The following NYX variants were observed in gnomAD, a reference collection of about 807,000 sequenced individuals.
The protein encoded by NYX is leucine-rich repeat protein.
For missense variants in NYX, 481 were observed against 485.4 expected (o/e 0.99, Z 0.09); for synonymous variants, 258 against 245.7 (o/e 1.05, Z -0.47).
At chrX:41,456,777 T>C (rs1389124180) in intron 2 of NYX, among the ~76,000 whole-genome samples, 7 of 111,757 alleles carry the variant, frequency 6.3e-5, no homozygotes, top group Admixed American at 9.6e-5. Context: ...CCGGCTTCCA[T>C]CTTGAGGAGG....
At position 41,474,716 on chromosome X, in the gene NYX, G is replaced by A. The variant is rs750169676; in HGVS notation, c.1248G>A (p.Leu416=). ...SRFSSLLSKL[L]APRVPVEEAA... ...TCAGCAGCCTCCTCTCCAAGCTGCT[G>A]GCCCCGAGGGTCCCGGTGGAGGAGG... Residue 416 remains leucine, a synonymous_variant, in exon 3 of 3, where the codon CTG becomes CTA. Transcript: ENST00000378220. 3.3e-6 allele frequency: 4 copies of A among 1,196,569 alleles called. No individual in the cohort carries two copies. The highest frequency in any genetic ancestry group is 4.5e-6 in the Non-Finnish European group (4 of 889,457).
chrX:41,448,306 G>A (rs891207143), intron 2 of NYX, among the ~76,000 whole-genome samples: 2 of 110,848 alleles, frequency 1.8e-5, no homozygotes, highest in African/African-American at 6.5e-5. Flanking sequence ...ACAGTGGTGC[G>A]ACCTCGGCAC....
At chrX:41,448,335 C>T (rs866984579) in intron 2 of NYX, among the ~76,000 whole-genome samples, 2 of 110,262 alleles carry the variant, frequency 1.8e-5, no homozygotes, top group Non-Finnish European at 3.8e-5. Context: ...CTCCGCCTCC[C>T]GGGTTCACGC....
At chrX:41,465,200 T>TC (rs2064333870) in intron 2 of NYX, among the ~76,000 whole-genome samples, 1 of 110,681 alleles carries the variant, frequency 9.0e-6, no homozygotes, top group African/African-American at 3.3e-5. Flanking sequence ...GTTTTTTTTT[T>TC]CCTTCTTGAC....
chrX:41,465,798 C>T (rs1363216733), intron 2 of NYX, among the ~76,000 whole-genome samples: 1 of 107,512 alleles, frequency 9.3e-6, no homozygotes, highest in Non-Finnish European at 1.9e-5. Flanking sequence ...GCTGGGATTA[C>T]AGGCGTGAAC....
At chrX:41,460,876 ATTTTTTTTTTTTTTTTTT>A (rs59383905) in intron 2 of NYX, among the ~76,000 whole-genome samples, 1 of 24,778 alleles carries the variant, frequency 4.0e-5, no homozygotes. Flanking sequence ...CACAGTATGT[ATTTTTTTTTTTTTTTTTT>A]TTTTTTTTTT....
At chrX:41,464,148 CTT>C (rs141248938) in intron 2 of NYX, among the ~76,000 whole-genome samples, 7 of 98,584 alleles carry the variant, frequency 7.1e-5, no homozygotes, top group Non-Finnish European at 4.1e-5. Flanking sequence ...TAATCCCATT[CTT>C]TTTTTTTTTT....
At chrX:41,470,642 C>G (rs776363167) in intron 2 of NYX, among the ~76,000 whole-genome samples, 2 of 94,333 alleles carry the variant, frequency 2.1e-5, no homozygotes, top group African/African-American at 4.1e-5. Flanking sequence ...TGCAGTGGGC[C>G]GAGATTAGCG....
intron 2 of NYX, among the ~76,000 whole-genome samples, chrX:41,453,894 C>T (rs1172815052): frequency 8.8e-6 from 1 of 113,053 alleles, no homozygotes; most frequent in African/African-American, 3.2e-5. Flanking sequence ...GCATGTGCAA[C>T]TGTCTCTTTG....
chrX:41,472,633 A>G, intron 2 of NYX: 1 of 469,114 alleles, frequency 2.1e-6, no homozygotes, highest in African/African-American at 2.4e-5. Flanking sequence ...CAGGCACAGG[A>G]AAGGTCACTG....
chrX:41,460,876 A>ATTATTTTT (rs1335308569), intron 2 of NYX, among the ~76,000 whole-genome samples: 1 of 24,778 alleles, frequency 4.0e-5, no homozygotes, highest in African/African-American at 1.5e-4. Flanking sequence ...CACAGTATGT[A>ATTATTTTT]TTTTTTTTTT....
intron 2 of NYX, 94 bp from the exon 3 acceptor site, chrX:41,473,397 G>C: frequency 3.5e-6 from 3 of 868,635 alleles, no homozygotes; most frequent in South Asian, 1.1e-4. Flanking sequence ...TGCCCGGACA[G>C]GCAGGATTTT....
intron 2 of NYX, among the ~76,000 whole-genome samples, chrX:41,450,033 G>A (rs761986979): frequency 3.2e-4 from 35 of 111,067 alleles, no homozygotes; most frequent in African/African-American, 3.6e-4. Context: ...GAAGTGGCTC[G>A]CAGCAGGGAA....
intron 2 of NYX, among the ~76,000 whole-genome samples, chrX:41,471,834 T>TA (rs1491492828): frequency 5.5e-4 from 10 of 18,093 alleles, no homozygotes; most frequent in African/African-American, 1.7e-3. Context: ...TATATATGTA[T>TA]TTTTTTTTTT....
Position 41,473,966 on chromosome X carries a change from C to G in NYX, c.498C>G (p.Phe166Leu). The G allele has an allele frequency of 9.2e-7, 1 of 1,086,002 alleles. No homozygotes were observed. The highest frequency in any genetic ancestry group is 1.2e-6 in the Non-Finnish European group (1 of 839,722). 89.5% of individuals were successfully genotyped at this position (1,086,002 alleles called of 1,213,427 possible). Reference protein sequence around the residue: ...LRELAAFDNLFRRVPGALRGL... With the variant: ...LRELAAFDNLLRRVPGALRGL... The stretch of plus-strand genomic sequence containing the variant: ...AACTCGCCGCCTTCGACAACCTGTT[C>G]CGCCGCGTGCCGGGCGCGCTGCGCG... The change falls in exon 3 of 3, where the codon TTC becomes TTG. Residue 166 changes from phenylalanine (F) to leucine (L), a missense_variant. Phe to Leu is a conservative substitution (Grantham distance 22). Coordinates refer to ENST00000378220, the MANE Select transcript of NYX (RefSeq NM_001378477.3).
chrX:41,452,156 A>G (rs2064282617), intron 2 of NYX, among the ~76,000 whole-genome samples: 2 of 109,949 alleles, frequency 1.8e-5, no homozygotes, highest in Admixed American at 2.0e-4. Flanking sequence ...TTTTTGTTGT[A>G]GAGATGGGGT....
chrX:41,467,319 T>C (rs1165548804), intron 2 of NYX, among the ~76,000 whole-genome samples: 1 of 110,629 alleles, frequency 9.0e-6, no homozygotes. Context: ...CTGTCAGTTC[T>C]GAGAATTTAC....
rs183504907 is a variant in NYX at position 41,459,593 on chromosome X, T to C, written c.22+11667T>C. Among the ~76,000 whole-genome samples, 638 of 108,072 alleles carry C rather than the reference T, an allele frequency of 5.9e-3. 2 individuals are homozygous for C. Among genetic ancestry groups the C allele is most frequent in the Non-Finnish European group, 9.9e-3 (514 of 52,129 alleles). 93.8% of individuals were successfully genotyped at this position (108,072 alleles called of 115,157 possible). On this transcript the variant is annotated intron_variant, in intron 2 of 2. Transcript: ENST00000378220. ...GAGATCATGCCACTGCACTCCAGGC[T>C]GGGCAACAGAGCAAGACTCTGTCTT...
rs2064373825 is a variant in NYX, at chrX:41,473,807, G to A, written c.339G>A (p.Ala113=). The A allele has an allele frequency of 1.8e-6, 2 of 1,119,152 alleles. No individual in the cohort carries two copies. The highest frequency in any genetic ancestry group is 2.3e-6 in the Non-Finnish European group (2 of 855,939). The allele number at this position is 1,119,152 out of a possible 1,213,427, so 92.2% of individuals were successfully genotyped here. The change falls in exon 3 of 3, where the codon GCG becomes GCA. Residue 113 remains alanine (A), a synonymous_variant. Transcript: ENST00000378220. ...CGCGCCTGGCTGAGCTGCGCCTGGC[G>A]CACAACGGCGACCTGCGCTACCTGC... ...GLPRLAELRL[A]HNGDLRYLHA... is the part of the protein sequence containing the mutation.
Sources: allele counts gnomAD v4.1 joint callset (sites outside exome capture counted in the v4.1 genomes callset), GRCh38; gene constraint gnomAD v4.1.1; transcripts MANE v1.5; gene names NCBI Gene and HGNC (gene_info 2026-07-23, HGNC 2026-07-21).